CFAP77: variants seen among roughly 807,000 people sequenced by gnomAD.
CFAP77 encodes cilia- and flagella-associated protein 77.
In CFAP77, 25 loss-of-function variants were observed where a neutral mutation model predicts 31.1. The ratio of observed to expected loss-of-function variants is 0.80; its 90% CI spans 0.59 to 1.12. The LOEUF is 1.12. Among genes scored for constraint, CFAP77 ranks in the 50% most tolerant of loss-of-function variants. CFAP77 has a pLI of 0.00. For missense variants in CFAP77, 377 were observed against 397.3 expected, an observed-to-expected ratio of 0.95 and a Z score of 0.44; for synonymous variants, 151 against 159.9, an observed-to-expected ratio of 0.94 and a Z score of 0.42.
intron 1 of CFAP77, among the ~76,000 whole-genome samples, chr9:132,438,328 C>T (rs1489632086): frequency 6.7e-6 from 1 of 149,822 alleles, no homozygotes; most frequent in African/African-American, 2.5e-5. Flanking sequence ...TCCTATTTTA[C>T]ATTTGGCTTG....
intron 1 of CFAP77, among the ~76,000 whole-genome samples, chr9:132,414,392 T>C (rs1850060960): frequency 6.6e-6 from 1 of 152,136 alleles, no homozygotes; most frequent in African/African-American, 2.4e-5. Flanking sequence ...GGAGATGGGA[T>C]ACATGCACAC....
chr9:132,433,004 A>G (rs980208833), intron 1 of CFAP77, among the ~76,000 whole-genome samples: 1 of 151,872 alleles, frequency 6.6e-6, no homozygotes, highest in Non-Finnish European at 1.5e-5. Context: ...GTGAGCCACC[A>G]AGCCCGGCCA....
chr9:132,521,199 C>T (rs962472815), intron 3 of CFAP77, among the ~76,000 whole-genome samples: 20 of 152,186 alleles, frequency 1.3e-4, no homozygotes, highest in Admixed American at 3.3e-4. Context: ...AATGGCTGAT[C>T]TTCCCATGAG....
chr9:132,560,022 GGGAAGA>G (rs539028397), intron 5 of CFAP77, among the ~76,000 whole-genome samples: 54 of 152,312 alleles, frequency 3.5e-4, no homozygotes, highest in African/African-American at 1.3e-3. Flanking sequence ...CCAGAGGCTA[GGGAAGA>G]GGAATAGGAG....
chr9:132,487,013 A>T (rs556010833), intron 1 of CFAP77, among the ~76,000 whole-genome samples: 1 of 152,260 alleles, frequency 6.6e-6, no homozygotes, highest in Non-Finnish European at 1.5e-5. Context: ...CGTGGGAACC[A>T]GACAGGGCTG....
chr9:132,495,675 T>G lies in CFAP77; in HGVS notation c.196-3020T>G, dbSNP rs769216861. On this transcript the variant is annotated intron_variant, in intron 1 of 5. Transcript: ENST00000393216. This position sits in a 1 kb window ranked among gnomAD's most constrained non-coding sequence, Gnocchi z 4.2. ...GCCAATGGTCTCAAAGTAGGCTGTATGAACTGCATGTCTGTGTACCCCTAA... is the reference window on the plus strand; with the variant it reads ...GCCAATGGTCTCAAAGTAGGCTGTAGGAACTGCATGTCTGTGTACCCCTAA... 1.3e-5 allele frequency among the ~76,000 whole-genome samples: 2 copies of G among 152,224 alleles called. No individual in the cohort carries two copies. Among genetic ancestry groups the G allele is most frequent in the Non-Finnish European group, 2.9e-5 (2 of 68,050 alleles).
intron 5 of CFAP77, among the ~76,000 whole-genome samples, chr9:132,544,490 ATTTTT>A (rs57022259): frequency 0.046 from 5,135 of 111,812 alleles, 147 homozygotes; most frequent in Middle Eastern, 0.13. Context: ...CTCACTGCCT[ATTTTT>A]TTTTTTTTTT....
At chr9:132,533,167 C>G (rs906326589) in intron 3 of CFAP77, among the ~76,000 whole-genome samples, 1 of 152,196 alleles carries the variant, frequency 6.6e-6, no homozygotes. Context: ...GAACGAGATC[C>G]CACGGTGACC....
At chr9:132,500,777 C>T (rs776284443) in intron 3 of CFAP77, among the ~76,000 whole-genome samples, 33 of 152,246 alleles carry the variant, frequency 2.2e-4, no homozygotes, top group Non-Finnish European at 4.7e-4. Flanking sequence ...AATGGGTCCA[C>T]ATCCTCACCA....
In CFAP77 at chr9:132,545,752, G is replaced by C. The variant is rs964610467; in HGVS notation, c.732+2705G>C. Among the ~76,000 whole-genome samples the C allele has an allele frequency of 2.0e-5, 3 of 152,150 alleles. No homozygotes were observed. The highest frequency in any genetic ancestry group is 4.4e-5 in the Non-Finnish European group (3 of 68,024). On this transcript the variant is annotated intron_variant, in intron 5 of 5. Coordinates refer to ENST00000393216, the MANE Select transcript of CFAP77 (RefSeq NM_001282957.2). This position sits in a 1 kb window ranked among gnomAD's most constrained non-coding sequence, Gnocchi z 4.6. ...TTAGAATGCACCCGGCGCTGAGCAG[G>C]TCTCATCTCATAGATATCATGCCCC...
rs569207611 is a variant in CFAP77 at position 132,506,142 on chromosome 9, C to T, written c.524+6542C>T. Among the ~76,000 whole-genome samples the T allele has an allele frequency of 2.0e-5, 3 of 152,302 alleles. No individual in the cohort carries two copies. The South Asian group carries it at 6.2e-4, about 32-fold the overall frequency. On this transcript the variant is annotated intron_variant, in intron 3 of 5. Transcript: ENST00000393216. ...TGAAGACCACACCTCTAGGATCAGG[C>T]AGCTGGAAAGAGCCCCGGCATTCTC...
At chr9:132,525,844 T>G (rs1050333903) in intron 3 of CFAP77, among the ~76,000 whole-genome samples, 2 of 152,242 alleles carry the variant, frequency 1.3e-5, no homozygotes, top group African/African-American at 4.8e-5. Flanking sequence ...GTTGGCCTTT[T>G]TTGCTCTGCA....
chr9:132,458,113 C>T (rs934126655), intron 1 of CFAP77, among the ~76,000 whole-genome samples: 1 of 152,210 alleles, frequency 6.6e-6, no homozygotes, highest in African/African-American at 2.4e-5. Flanking sequence ...CTCCTTCTTA[C>T]TCAGAGCGGC....
Position 132,490,125 on chromosome 9 carries a change from G to A in CFAP77, c.196-8570G>A, listed in dbSNP as rs184994855. On this transcript the variant is annotated intron_variant, in intron 1 of 5. Transcript: ENST00000393216. The surrounding 1 kb of genome is among the most constrained non-coding windows in gnomAD (Gnocchi z 4.6). The stretch of plus-strand genomic sequence containing the variant: ...AATGCCGTATCCTCGCATGACAGAC[G>A]GACAGAAGGGGATAAAAAGGGCGAA... Among the ~76,000 whole-genome samples, 2 of 151,950 alleles carry A rather than the reference G, an allele frequency of 1.3e-5. No individual in the cohort carries two copies. The highest frequency in any genetic ancestry group is 6.6e-5 in the Admixed American group (1 of 15,260).
intron 1 of CFAP77, among the ~76,000 whole-genome samples, chr9:132,475,217 G>T (rs2118886771): frequency 6.6e-6 from 1 of 152,312 alleles, no homozygotes; most frequent in African/African-American, 2.4e-5. Context: ...GCCCTCCTTT[G>T]CAGTTTATTC....
chr9:132,537,672 C>G lies in CFAP77; in HGVS notation c.596C>G (p.Thr199Ser). The G allele has an allele frequency of 6.2e-7, 1 of 1,613,462 alleles. No homozygotes were observed. The change falls in exon 4 of 6, where the codon ACC becomes AGC. Residue 199 changes from threonine (T) to serine (S), a missense_variant. Thr to Ser is a moderately conservative substitution (Grantham distance 58, BLOSUM62 1). Coordinates refer to ENST00000393216, the MANE Select transcript of CFAP77 (RefSeq NM_001282957.2). Reference protein sequence around the residue: ...LQLWVQEQKATQKAIKLEKKQ... With the variant: ...LQLWVQEQKASQKAIKLEKKQ... ...CTGTGGGTACAGGAACAAAAGGCCA[C>G]CCAGAAAGCCATCAAACTGGAGAAG...
chr9:132,425,856 G>A (rs1317878099), intron 1 of CFAP77, among the ~76,000 whole-genome samples: 2 of 152,206 alleles, frequency 1.3e-5, no homozygotes, highest in African/African-American at 2.4e-5. Flanking sequence ...CAGCCACACG[G>A]TGTGTCCGTA....
chr9:132,475,328 A>G (rs921320988), intron 1 of CFAP77, among the ~76,000 whole-genome samples: 3 of 152,320 alleles, frequency 2.0e-5, no homozygotes, highest in African/African-American at 7.2e-5. Context: ...ATCTTGGGAA[A>G]TAGACACTGG....
At chr9:132,556,120 G>A (rs986112256) in intron 5 of CFAP77, among the ~76,000 whole-genome samples, 5 of 152,148 alleles carry the variant, frequency 3.3e-5, no homozygotes, top group African/African-American at 7.2e-5. Flanking sequence ...AGCAGGCATC[G>A]TCAGCACCCT....
Sources: gnomAD v4.1 joint callset for allele counts (sites outside exome capture counted in the v4.1 genomes callset) on GRCh38, gnomAD v4.1.1 for gene constraint, Gnocchi (gnomAD v3.1) non-coding constraint, MANE v1.5 for transcripts, NCBI Gene and HGNC (gene_info 2026-07-23, HGNC 2026-07-21) for gene names.